URB1: variants seen among roughly 807,000 people sequenced by gnomAD.
The protein encoded by URB1 is URB1 ribosome biogenesis factor, also known as nucleolar pre-ribosomal-associated protein 1.
A neutral mutation model predicts 242.3 loss-of-function variants in URB1; 197 were observed. The ratio of observed to expected loss-of-function variants is 0.81; its 90% CI spans 0.72 to 0.91. The LOEUF is 0.91. Ranked by LOEUF, URB1 falls within the 40% of genes least tolerant of loss-of-function variation. The pLI is 0.00. For synonymous variants in URB1, 1,153 were observed against 1,201.8 expected (o/e 0.96, Z 0.84); for missense variants, 2,721 against 2,860.5 (o/e 0.95, Z 1.11).
At chr21:32,359,320 T>C (rs2033258761) in intron 14 of URB1, among the ~76,000 whole-genome samples, 1 of 152,158 alleles carries the variant, frequency 6.6e-6, no homozygotes, top group South Asian at 2.1e-4. Flanking sequence ...CATTATGTTC[T>C]CCAAAAAGTT....
chr21:32,368,360 G>A (rs761605994), intron 9 of URB1, 43 bp downstream of exon 9: 39 of 1,482,996 alleles, frequency 2.6e-5, no homozygotes, highest in African/African-American at 2.1e-4. Context: ...GAGCCACCAC[G>A]CCCAGCTTAG....
intron 6 of URB1, 41 bp from the exon 7 acceptor site, chr21:32,373,813 G>A: frequency 1.4e-6 from 2 of 1,451,464 alleles, no homozygotes; most frequent in Non-Finnish European, 9.2e-7. Context: ...AACAAATTAT[G>A]AAAAAGTTCA....
intron 15 of URB1, among the ~76,000 whole-genome samples, chr21:32,356,625 T>G (rs1366613469): frequency 3.9e-5 from 6 of 152,148 alleles, no homozygotes; most frequent in African/African-American, 1.4e-4. Flanking sequence ...TCACTTCAAA[T>G]GCAGACCTCA....
chr21:32,337,923 T>C (rs2032981320), intron 26 of URB1, among the ~76,000 whole-genome samples: 1 of 152,156 alleles, frequency 6.6e-6, no homozygotes, highest in Non-Finnish European at 1.5e-5. Context: ...TCCCAAATGT[T>C]AAGCCAATAC....
chr21:32,372,687 G>A, intron 7 of URB1, 56 bp from the exon 8 acceptor site: 2 of 1,496,764 alleles, frequency 1.3e-6, no homozygotes, highest in South Asian at 2.6e-5. Flanking sequence ...ACTTTAGTAA[G>A]AGCTAGAGTA....
At chr21:32,369,307 G>C (rs1568828021) in intron 8 of URB1, among the ~76,000 whole-genome samples, 1 of 152,162 alleles carries the variant, frequency 6.6e-6, no homozygotes, top group Non-Finnish European at 1.5e-5. Context: ...AGGTTGCAGT[G>C]AGCTGAGATT....
rs570614077 is a variant in URB1 at position 32,391,214 on chromosome 21, T to C, written c.142+1555A>G. 4.0e-5 allele frequency among the ~76,000 whole-genome samples: 5 copies of C among 124,820 alleles called. No individual in the cohort carries two copies. The South Asian group carries it at 1.6e-3, about 40-fold the overall frequency. The allele number at this position is 124,820 out of a possible 152,430, so 81.9% of individuals were successfully genotyped here. A position where few individuals can be genotyped will look rare whatever the true frequency, so the allele number is the denominator to read the frequency against. Reference sequence around the variant, plus strand: ...GGGGAACATCACACACCGGGGCCTGTTGTCGGGTCGGGGGGAGGGGGGAGG... The same window carrying C: ...GGGGAACATCACACACCGGGGCCTGCTGTCGGGTCGGGGGGAGGGGGGAGG... On this transcript the variant is annotated intron_variant, in intron 1 of 38. Coordinates refer to ENST00000382751, the MANE Select transcript of URB1 (RefSeq NM_014825.3).
intron 1 of URB1, among the ~76,000 whole-genome samples, chr21:32,388,259 C>T (rs1383278129): frequency 6.6e-6 from 1 of 152,188 alleles, no homozygotes; most frequent in Non-Finnish European, 1.5e-5. Context: ...GGAACAAGAA[C>T]AGAACCTACC....
chr21:32,324,525 G>A lies in URB1; in HGVS notation c.5199C>T (p.Phe1733=), dbSNP rs1202035568. 3.2e-6 allele frequency: 5 copies of A among 1,551,824 alleles called. No homozygotes were observed. The East Asian group carries it at 1.2e-4, about 38-fold the overall frequency. ...AAATCTGCAGGGCTGCTTTGGCAAT[G>A]AAGAGAGCCAAGGTAAAAGTAAGTC... is the stretch of plus-strand genomic sequence containing the variant. ...DMRLTFTLAL[F]IAKAALQILK... Residue 1733 remains phenylalanine (F), a synonymous_variant, in exon 32 of 39, where the codon TTC becomes TTT. Transcript: ENST00000382751.
chr21:32,384,829 A>C (rs2033564415), intron 2 of URB1, among the ~76,000 whole-genome samples: 1 of 151,656 alleles, frequency 6.6e-6, no homozygotes, highest in African/African-American at 2.4e-5. Flanking sequence ...AAAATACAAA[A>C]AATTAGCCAG....
At position 32,325,185 on chromosome 21, in the gene URB1, G is replaced by A. The variant is rs1268999052; in HGVS notation, c.5121+44C>T. 1.1e-5 allele frequency: 17 copies of A among 1,515,598 alleles called. No individual in the cohort carries two copies. In the Admixed American group the frequency reaches 1.4e-4, roughly 13 times the overall value. 93.9% of individuals were successfully genotyped at this position (1,515,598 alleles called of 1,614,324 possible). On this transcript the variant is annotated intron_variant, in intron 31 of 38. Transcript: ENST00000382751. ...GTGGACAGCCAGCTCTCTGAAGTCC[G>A]CCAGGCCCACCCCCACAGTAGGATG...
intron 22 of URB1, among the ~76,000 whole-genome samples, chr21:32,346,222 G>A (rs935925857): frequency 6.6e-5 from 10 of 152,164 alleles, no homozygotes; most frequent in Non-Finnish European, 1.5e-4. Flanking sequence ...GCAGCCTGAG[G>A]CCCTCACAAG....
At chr21:32,382,407 G>A (rs902460555) in intron 4 of URB1, among the ~76,000 whole-genome samples, 3 of 152,078 alleles carry the variant, frequency 2.0e-5, no homozygotes, top group Non-Finnish European at 2.9e-5. Context: ...TTTTTCCTTA[G>A]AGAATACCTT....
At chr21:32,361,169 A>AAGAAAGAC in intron 12 of URB1, 46 bp from the exon 13 acceptor site, 1 of 640,916 alleles carries the variant, frequency 1.6e-6, no homozygotes, top group East Asian at 3.1e-5. Flanking sequence ...AAAAGAAAGA[A>AAGAAAGAC]AGAAAGAAAG....
intron 4 of URB1, among the ~76,000 whole-genome samples, chr21:32,378,766 T>G (rs1000405376): frequency 2.0e-5 from 3 of 152,228 alleles, no homozygotes; most frequent in Non-Finnish European, 4.4e-5. Context: ...ACTTTCCTTC[T>G]CTTTCAAGCC....
chr21:32,380,864 G>A (rs1359446982), intron 4 of URB1, among the ~76,000 whole-genome samples: 2 of 152,190 alleles, frequency 1.3e-5, no homozygotes, highest in Admixed American at 6.5e-5. Context: ...CTGGAATGCT[G>A]GTCCAGGTTT....
At chr21:32,367,636 CA>C (rs1157561549) in intron 9 of URB1, among the ~76,000 whole-genome samples, 1 of 152,192 alleles carries the variant, frequency 6.6e-6, no homozygotes, top group East Asian at 1.9e-4. Context: ...ACATTATGAT[CA>C]AAAGGAAGGT....
chr21:32,320,951 C>T (rs1468600163), intron 34 of URB1, among the ~76,000 whole-genome samples: 1 of 152,150 alleles, frequency 6.6e-6, no homozygotes, highest in Non-Finnish European at 1.5e-5. Context: ...GCGCAGCCAC[C>T]GGCACAGGGA....
In URB1 at chr21:32,312,321, C is replaced by A; in HGVS notation, c.*2597G>T. On this transcript the variant is annotated 3_prime_UTR_variant, in exon 39 of 39. Transcript: ENST00000382751. ...TTGCTTACTAATCTTTACTATGCCACTTTACCATTACTGTGTAATGCGTTA... is the reference window on the plus strand; with the variant it reads ...TTGCTTACTAATCTTTACTATGCCAATTTACCATTACTGTGTAATGCGTTA... The A allele has an allele frequency of 2.3e-6, 3 of 1,277,640 alleles. No homozygotes were observed. Among genetic ancestry groups the A allele is most frequent in the Non-Finnish European group, 3.0e-6 (3 of 1,000,672 alleles). The allele number at this position is 1,277,640 out of a possible 1,614,324, so 79.1% of individuals were successfully genotyped here. A position where few individuals can be genotyped will look rare whatever the true frequency, so the allele number is the denominator to read the frequency against.
Sources: gnomAD v4.1 joint callset for allele counts (sites outside exome capture counted in the v4.1 genomes callset) on GRCh38, gnomAD v4.1.1 for gene constraint, MANE v1.5 for transcripts, NCBI Gene and HGNC (gene_info 2026-07-23, HGNC 2026-07-21) for gene names.